USP28: variants seen among roughly 807,000 people sequenced by gnomAD.
The protein encoded by USP28 is ubiquitin specific peptidase 28, also known as ubiquitin carboxyl-terminal hydrolase 28.
In USP28, 113 loss-of-function variants were observed where a neutral mutation model predicts 145.0. The ratio of observed to expected loss-of-function variants is 0.78; its 90% confidence interval spans 0.67 to 0.91. USP28 has a LOEUF of 0.91. Ranked by LOEUF, USP28 falls within the 40% of genes least tolerant of loss-of-function variation. The pLI is 0.00. For missense variants in USP28, 1,201 were observed against 1,289.6 expected (o/e 0.93, Z 1.05); for synonymous variants, 447 against 450.9 (o/e 0.99, Z 0.11).
intron 12 of USP28, chr11:113,821,030 C>A: frequency 4.7e-6 from 1 of 213,252 alleles, no homozygotes; most frequent in Admixed American, 5.4e-5. Flanking sequence ...GTTCACTGGG[C>A]AATCAGCCTT....
At chr11:113,801,188 T>TAGTTTAAA (rs1398070680) in intron 24 of USP28, among the ~76,000 whole-genome samples, 3 of 152,116 alleles carry the variant, frequency 2.0e-5, no homozygotes, top group African/African-American at 7.2e-5. Context: ...TTTTGGCACA[T>TAGTTTAAA]GAGAGAGTAA....
At chr11:113,873,779 G>T (rs1197529639) in intron 1 of USP28, among the ~76,000 whole-genome samples, 1 of 151,916 alleles carries the variant, frequency 6.6e-6, no homozygotes, top group Non-Finnish European at 1.5e-5. Context: ...ATTTCCATTA[G>T]AAGTCAGTGC....
At chr11:113,849,694 T>C (rs748952402) in intron 3 of USP28, among the ~76,000 whole-genome samples, 6 of 152,134 alleles carry the variant, frequency 3.9e-5, no homozygotes, top group Non-Finnish European at 8.8e-5. Flanking sequence ...TCTAGACATG[T>C]TCCTTTTCCA....
At chr11:113,863,133 C>T (rs1316538437) in intron 1 of USP28, among the ~76,000 whole-genome samples, 1 of 151,984 alleles carries the variant, frequency 6.6e-6, no homozygotes, top group Non-Finnish European at 1.5e-5. Flanking sequence ...CCTATATATA[C>T]AAAATCCCAA....
intron 19 of USP28, 50 bp downstream of exon 20, chr11:113,806,439 A>G: frequency 6.7e-7 from 1 of 1,489,776 alleles, no homozygotes; most frequent in South Asian, 1.2e-5. Flanking sequence ...TATTTCCCCA[A>G]TATTATGATG....
In USP28 at chr11:113,854,251, A is replaced by T; in HGVS notation, c.135+7T>A. The T allele has an allele frequency of 6.2e-7, 1 of 1,610,858 alleles. No homozygotes were observed. The highest frequency in any genetic ancestry group is 8.5e-7 in the Non-Finnish European group (1 of 1,179,472). On this transcript the variant is annotated splice_region_variant and intron_variant, in intron 2 of 24. Transcript: ENST00000003302. The stretch of plus-strand genomic sequence containing the variant: ...GCCTCCTGACTAACAGAGATCTGGA[A>T]ACCAACCTTCAGAGCTTCATGGAGA...
At chr11:113,798,079 T>A (rs1049463620) in exon 25 of USP28, 1 of 145,436 alleles carries the variant, frequency 6.9e-6, no homozygotes, top group Non-Finnish European at 1.5e-5. Flanking sequence ...TTTTTTTTTT[T>A]TTTTTTTTTT....
intron 22 of USP28, 89 bp downstream of exon 23, chr11:113,803,709 A>G: frequency 9.3e-7 from 1 of 1,070,392 alleles, no homozygotes; most frequent in Non-Finnish European, 1.4e-6. Flanking sequence ...GAGGTTATGC[A>G]TGGCTGTGAC....
chr11:113,808,428 A>G (rs372598627), exon 18 of USP28: 31 of 1,613,962 alleles, frequency 1.9e-5, no homozygotes, highest in Non-Finnish European at 2.6e-5. Flanking sequence ...AGAAGAGGCT[A>G]CTGAAGGCTC....
At chr11:113,838,578 A>T (rs779425746) in intron 5 of USP28, among the ~76,000 whole-genome samples, 6 of 152,178 alleles carry the variant, frequency 3.9e-5, no homozygotes, top group Non-Finnish European at 8.8e-5. Flanking sequence ...TCCTTGTCTG[A>T]AATGTTCCCT....
intron 10 of USP28, 127 bp downstream of exon 10, chr11:113,829,070 A>T: frequency 7.8e-7 from 1 of 1,278,622 alleles, no homozygotes; most frequent in Non-Finnish European, 1.1e-6. Flanking sequence ...TGAGAGACTT[A>T]AGACAAATTC....
rs537749448 is a variant in USP28, at chr11:113,872,210, G to A, written c.57+3235C>T. On this transcript the variant is annotated intron_variant, in intron 1 of 24. Transcript: ENST00000003302. ...CACATGGAGAGATCTCGCCTGGTAA[G>A]ATGCTATTTGCCAGTAAGTCTTAAA... Among the ~76,000 whole-genome samples the A allele has an allele frequency of 2.6e-5, 4 of 152,332 alleles. No homozygotes were observed. The East Asian group carries it at 7.7e-4, about 29-fold the overall frequency.
In USP28 at chr11:113,809,728, CAG is replaced by C. The variant is rs1940648368; in HGVS notation, c.1973-476_1973-475del. On this transcript the variant is annotated intron_variant, in intron 16 of 24. Coordinates refer to ENST00000003302, the Ensembl canonical transcript of USP28. ...ACATCTGCTAAGTGAATGAATAACACAGAGTTAAAGATATGGAAAGTGGGCCG... is the reference window on the plus strand; with the variant it reads ...ACATCTGCTAAGTGAATGAATAACACAGTTAAAGATATGGAAAGTGGGCCG... Among the ~76,000 whole-genome samples, 2 of 152,118 alleles carry C rather than the reference CAG, an allele frequency of 1.3e-5. 1 individual carries two copies. The highest frequency in any genetic ancestry group is 4.1e-4 in the South Asian group (2 of 4,824).
At chr11:113,823,066 T>A (rs997130087) in intron 12 of USP28, among the ~76,000 whole-genome samples, 12 of 152,124 alleles carry the variant, frequency 7.9e-5, no homozygotes, top group African/African-American at 2.7e-4. Flanking sequence ...AACTGACTCC[T>A]AAGGAAATTA....
At chr11:113,798,689 T>A (rs1046088800) in exon 25 of USP28, 1 of 152,644 alleles carries the variant, frequency 6.6e-6, no homozygotes, top group Non-Finnish European at 1.5e-5. Flanking sequence ...CTTTTCAACA[T>A]CTCACTGCCA....
chr11:113,833,701 G>A (rs1944273799), intron 6 of USP28, 144 bp from the exon 7 acceptor site: 2 of 734,374 alleles, frequency 2.7e-6, no homozygotes, highest in Admixed American at 2.9e-5. Context: ...GTGTGTTACA[G>A]GGACTCTGGT....
At chr11:113,840,704 T>C in exon 5 of USP28, 1 of 1,614,226 alleles carries the variant, frequency 6.2e-7, no homozygotes, top group Non-Finnish European at 8.5e-7. Flanking sequence ...TCCCCAGACT[T>C]CACAGCGTTT....
At chr11:113,799,608 A>G (rs546234163) in intron 24 of USP28, among the ~76,000 whole-genome samples, 193 bp from the exon 26 acceptor site, 102 of 152,360 alleles carry the variant, frequency 6.7e-4, no homozygotes, top group African/African-American at 2.4e-3. Context: ...TCACTGCTAT[A>G]TAACAACTAT....
exon 14 of USP28, chr11:113,815,242 T>G (rs888908867): frequency 1.2e-6 from 2 of 1,614,070 alleles, no homozygotes; most frequent in African/African-American, 2.7e-5. Flanking sequence ...TATCTCCTCA[T>G]CTGTGACTGT....
Sources: gnomAD v4.1 joint callset for allele counts (sites outside exome capture counted in the v4.1 genomes callset) on GRCh38, gnomAD v4.1.1 for gene constraint, MANE v1.5 for transcripts, NCBI Gene and HGNC (gene_info 2026-07-23, HGNC 2026-07-21) for gene names.